The following COG5 variants were observed in gnomAD, a reference collection of about 807,000 sequenced individuals.
COG5 encodes conserved oligomeric Golgi complex subunit 5.
In COG5, 86 loss-of-function variants were observed where a neutral mutation model predicts 110.4. The ratio of observed to expected loss-of-function variants is 0.78; its 90% confidence interval spans 0.65 to 0.93. The LOEUF is 0.93. Among genes scored for constraint, COG5 ranks in the 40% least tolerant of loss-of-function variants. The probability of loss-of-function intolerance (pLI) is 0.00; values close to 1 mark genes in which losing one functional copy is unlikely to be tolerated. For synonymous variants in COG5, 360 were observed against 334.6 expected (o/e 1.08, Z -0.83); for missense variants, 1,077 against 987.0 (o/e 1.09, Z -1.22).
intron 6 of COG5, chr7:107,472,938 C>T (rs1423608063): frequency 6.6e-6 from 1 of 151,786 alleles, no homozygotes; most frequent in Non-Finnish European, 1.5e-5. Context: ...TAGCCCAGAA[C>T]ATTAGACATT....
intron 6 of COG5, among the ~76,000 whole-genome samples, chr7:107,417,486 A>C (rs966872303): frequency 6.6e-6 from 1 of 152,280 alleles, no homozygotes; most frequent in East Asian, 1.9e-4. Context: ...TTAAGATGGA[A>C]TATTTGTTAT....
intron 6 of COG5, among the ~76,000 whole-genome samples, chr7:107,425,318 T>G (rs1346965836): frequency 7.1e-6 from 1 of 140,566 alleles, no homozygotes; most frequent in Non-Finnish European, 1.6e-5. Context: ...TTACAAGCAA[T>G]AATACAGGGG....
At chr7:107,332,275 A>C (rs1810320084) in intron 10 of COG5, among the ~76,000 whole-genome samples, 1 of 152,158 alleles carries the variant, frequency 6.6e-6, no homozygotes, top group Non-Finnish European at 1.5e-5. Context: ...GGAAGAAAAC[A>C]ATGTTGAGGG....
chr7:107,294,713 C>CTTTT (rs796291188), intron 12 of COG5, among the ~76,000 whole-genome samples: 237 of 109,956 alleles, frequency 2.2e-3, no homozygotes, highest in Non-Finnish European at 3.0e-3. Context: ...AATTTTCTTT[C>CTTTT]TTTTTTTTTT....
Position 107,298,208 on chromosome 7 carries a change from T to C in COG5, c.1247A>G (p.Tyr416Cys), listed in dbSNP as rs41276187. Residue 416 changes from tyrosine (Y) to cysteine (C), a missense_variant, in exon 12 of 22, where the codon TAT becomes TGT. Physicochemically the swap from Tyr to Cys is radical, Grantham distance 194 (BLOSUM62 -2). Transcript: ENST00000297135. ...NFNASGTTDLYVDLQHMEDDA... is the reference protein window; with the variant it reads ...NFNASGTTDLCVDLQHMEDDA... ...ATCTTCCATGTGTTGTAGGTCAACATAGAGGTCTGTAGTTCCACTTGCATT... is the reference window on the plus strand; with the variant it reads ...ATCTTCCATGTGTTGTAGGTCAACACAGAGGTCTGTAGTTCCACTTGCATT... 6.2e-3 allele frequency: 10,008 copies of C among 1,613,714 alleles called. 43 individuals are homozygous for C. The highest frequency in any genetic ancestry group is 7.5e-3 in the Non-Finnish European group (8,874 of 1,179,730).
intron 11 of COG5, among the ~76,000 whole-genome samples, chr7:107,322,080 A>T (rs1489589606): frequency 6.6e-6 from 1 of 152,232 alleles, no homozygotes; most frequent in Admixed American, 6.5e-5. Flanking sequence ...CAAAAAAGTT[A>T]TACAGATGGC....
At chr7:107,354,704 C>T (rs941406314) in intron 10 of COG5, among the ~76,000 whole-genome samples, 1 of 152,168 alleles carries the variant, frequency 6.6e-6, no homozygotes, top group Non-Finnish European at 1.5e-5. Context: ...AAAAGCGAAA[C>T]TGAATTAATA....
intron 12 of COG5, among the ~76,000 whole-genome samples, chr7:107,297,551 C>T (rs566987383): frequency 2.1e-5 from 3 of 145,576 alleles, no homozygotes; most frequent in Non-Finnish European, 3.0e-5. Context: ...CGGGTTCAAG[C>T]GACTCTCCTG....
intron 18 of COG5, among the ~76,000 whole-genome samples, chr7:107,232,100 A>G (rs1333640168): frequency 3.3e-5 from 5 of 152,256 alleles, no homozygotes; most frequent in Non-Finnish European, 7.3e-5. Flanking sequence ...TGCATACTGC[A>G]TGTCCTAGAA....
chr7:107,511,608 A>T (rs1472388049), intron 6 of COG5, among the ~76,000 whole-genome samples: 1 of 152,216 alleles, frequency 6.6e-6, no homozygotes, highest in East Asian at 1.9e-4. Context: ...AGAGTTTTAG[A>T]CCAATATCCT....
rs1806300092 is a variant in COG5, at chr7:107,292,985, C to T, written c.1313+5157G>A. Among the ~76,000 whole-genome samples, 14 of 152,274 alleles carry T rather than the reference C, an allele frequency of 9.2e-5. 1 individual carries two copies. In the South Asian group the frequency reaches 2.7e-3, roughly 29 times the overall value. On this transcript the variant is annotated intron_variant, in intron 12 of 21. Transcript: ENST00000297135. ...TGGGCCTTATCCCTGCAACTGGTTA[C>T]AGAAATAAAAAACTCTCCTCCTCTC...
intron 11 of COG5, among the ~76,000 whole-genome samples, chr7:107,321,776 T>C (rs1041043333): frequency 2.0e-5 from 3 of 152,082 alleles, no homozygotes; most frequent in Non-Finnish European, 4.4e-5. Flanking sequence ...TAAAATAAAA[T>C]GTAAGAGGAA....
chr7:107,525,151 C>T (rs1016752952), intron 6 of COG5, among the ~76,000 whole-genome samples: 6 of 151,932 alleles, frequency 3.9e-5, no homozygotes, highest in South Asian at 2.1e-4. Context: ...TGGTCTCGAT[C>T]TCTTGACCTC....
intron 2 of COG5, among the ~76,000 whole-genome samples, chr7:107,556,007 C>A (rs752997531): frequency 3.4e-5 from 5 of 148,738 alleles, no homozygotes; most frequent in Non-Finnish European, 5.9e-5. Flanking sequence ...GAGCAAGACT[C>A]TGTCTCAAAG....
chr7:107,529,939 C>T (rs1011965800), intron 5 of COG5, among the ~76,000 whole-genome samples: 1 of 152,142 alleles, frequency 6.6e-6, no homozygotes, highest in African/African-American at 2.4e-5. Context: ...TTAGAACTGA[C>T]ATTTTTAGAT....
intron 7 of COG5, among the ~76,000 whole-genome samples, chr7:107,407,078 C>T (rs1049523145): frequency 6.6e-6 from 1 of 152,104 alleles, no homozygotes; most frequent in Non-Finnish European, 1.5e-5. Context: ...TTTGAGCAAT[C>T]ATCCTTCAAA....
intron 6 of COG5, among the ~76,000 whole-genome samples, chr7:107,457,438 G>T (rs1795735056): frequency 6.6e-6 from 1 of 150,476 alleles, no homozygotes; most frequent in African/African-American, 2.4e-5. Context: ...TTGTTTCTTT[G>T]TTTTTTTGAG....
At chr7:107,301,712 T>C (rs1807284679) in intron 11 of COG5, among the ~76,000 whole-genome samples, 1 of 152,082 alleles carries the variant, frequency 6.6e-6, no homozygotes, top group African/African-American at 2.4e-5. Context: ...CTACTAAAAA[T>C]ACAAAAATTA....
intron 14 of COG5, among the ~76,000 whole-genome samples, chr7:107,272,484 G>C (rs765087250): frequency 9.2e-5 from 14 of 152,142 alleles, no homozygotes; most frequent in Non-Finnish European, 2.1e-4. Flanking sequence ...CTGAGGCTGT[G>C]TCTCTGCAAG....
Sources: gnomAD v4.1 joint callset for allele counts (sites outside exome capture counted in the v4.1 genomes callset) on GRCh38, gnomAD v4.1.1 for gene constraint, MANE v1.5 for transcripts, NCBI Gene and HGNC (gene_info 2026-07-23, HGNC 2026-07-21) for gene names.